The following ABCC9 variants were observed in gnomAD, a reference collection of about 807,000 sequenced individuals.
ABCC9 encodes the protein ATP binding cassette subfamily C member 9, also known as ATP-binding cassette sub-family C member 9.
ABCC9 carries 95 observed loss-of-function variants against 188.3 expected under a neutral mutation model. The ratio of observed to expected loss-of-function variants is 0.50; its 90% CI spans 0.43 to 0.60. ABCC9 has a LOEUF of 0.60. Among genes scored for constraint, ABCC9 ranks in the 20% least tolerant of loss-of-function variants. ABCC9 has a pLI of 0.00. For missense variants in ABCC9, 1,102 were observed against 1,876.3 expected (o/e 0.59, Z 7.62); for synonymous variants, 659 against 652.7 (o/e 1.01, Z -0.15).
intron 14 of ABCC9, among the ~76,000 whole-genome samples, chr12:21,890,596 T>A (rs1202986285): frequency 6.6e-6 from 1 of 152,106 alleles, no homozygotes; most frequent in Non-Finnish European, 1.5e-5. Context: ...ATAGACTGGA[T>A]TAAGAAAATG....
At chr12:21,811,357 C>G (rs1351825690) in intron 36 of ABCC9, among the ~76,000 whole-genome samples, 1 of 152,128 alleles carries the variant, frequency 6.6e-6, no homozygotes, top group East Asian at 1.9e-4. Flanking sequence ...TGAAAACAGA[C>G]TAATACAGAT....
intron 39 of ABCC9, among the ~76,000 whole-genome samples, chr12:21,804,759 C>T (rs1389111920): frequency 6.6e-6 from 1 of 152,180 alleles, no homozygotes; most frequent in Non-Finnish European, 1.5e-5. Flanking sequence ...GGAAGCATAG[C>T]AAGCACTCCA....
intron 5 of ABCC9, chr12:21,924,735 C>T (rs1362531446): frequency 6.6e-6 from 1 of 151,978 alleles, no homozygotes; most frequent in African/African-American, 2.4e-5. Context: ...TTCTCAATTT[C>T]ACATATTTTT....
intron 29 of ABCC9, among the ~76,000 whole-genome samples, chr12:21,841,724 CAGTCTT>C (rs576288984): frequency 1.8e-3 from 270 of 152,136 alleles, no homozygotes; most frequent in African/African-American, 6.4e-3. Context: ...AAAAATTTGT[CAGTCTT>C]AGAACTCAAA....
intron 35 of ABCC9, among the ~76,000 whole-genome samples, chr12:21,813,848 A>G (rs1341226374): frequency 6.6e-6 from 1 of 152,024 alleles, no homozygotes; most frequent in Non-Finnish European, 1.5e-5. Context: ...ATTCAATAAT[A>G]TAAACTGTCA....
At chr12:21,820,798 G>A (rs1335199697) in intron 31 of ABCC9, among the ~76,000 whole-genome samples, 2 of 151,996 alleles carry the variant, frequency 1.3e-5, no homozygotes, top group Non-Finnish European at 2.9e-5. Flanking sequence ...TTCCTTTCTT[G>A]GTTCCTAACT....
Position 21,882,892 on chromosome 12 carries a change from A to G in ABCC9, c.1912-19T>C. On this transcript the variant is annotated intron_variant, in intron 15 of 39. Coordinates refer to ENST00000261200, the MANE Select transcript of ABCC9 (RefSeq NM_020297.4). Reference sequence around the variant, plus strand: ...TTGGCTGCTGCATTCCAAATGGAAAAGAACACAAGTTGAGGCTTTATTAAA... The same window carrying G: ...TTGGCTGCTGCATTCCAAATGGAAAGGAACACAAGTTGAGGCTTTATTAAA... 1 of 1,581,994 alleles carries G rather than the reference A, an allele frequency of 6.3e-7. No homozygotes were observed. The highest frequency in any genetic ancestry group is 8.7e-7 in the Non-Finnish European group (1 of 1,150,752).
At chr12:21,872,499 A>T in intron 18 of ABCC9, 126 bp downstream of exon 18, 89 of 690,074 alleles carry the variant, frequency 1.3e-4, no homozygotes, top group Non-Finnish European at 1.6e-4. Flanking sequence ...TTTTTTTTTT[A>T]AAGCTGTGCT....
intron 11 of ABCC9, 83 bp downstream of exon 11, chr12:21,907,994 T>C (rs1467292252): frequency 7.2e-7 from 1 of 1,380,448 alleles, no homozygotes; most frequent in Non-Finnish European, 1.0e-6. Context: ...TTATCTTTAG[T>C]GGTATGTATT....
At chr12:21,845,567 C>G in intron 26 of ABCC9, 36 bp downstream of exon 26, 1 of 1,542,020 alleles carries the variant, frequency 6.5e-7, no homozygotes, top group Non-Finnish European at 8.9e-7. Context: ...TCAATATTTC[C>G]TTGATGATTT....
chr12:21,838,133 G>C lies in ABCC9; in HGVS notation c.3511C>G (p.Leu1171Val). ...QELDDSTQLPLLCHFSETAEG... is the reference protein window; with the variant it reads ...QELDDSTQLPVLCHFSETAEG... ...GCTGTTTCTGAGAAGTGACAGAGCA[G>C]AGGGAGCTGGGTACTATCGTCAAGT... Residue 1171 changes from leucine (L) to valine (V), a missense_variant, in exon 30 of 40, where the codon CTG becomes GTG. This residue lies in a region of ABCC9 where 143 missense variants were observed against 225.6 expected (regional missense o/e 0.63). Transcript: ENST00000261200. 1 of 1,614,164 alleles carries C rather than the reference G, an allele frequency of 6.2e-7. No individual in the cohort carries two copies. The highest frequency in any genetic ancestry group is 8.5e-7 in the Non-Finnish European group (1 of 1,180,006).
chr12:21,835,087 G>A (rs978748662), intron 30 of ABCC9, among the ~76,000 whole-genome samples: 5 of 152,094 alleles, frequency 3.3e-5, no homozygotes, highest in African/African-American at 1.2e-4. Context: ...ATGACAAGGG[G>A]CAACATCAAC....
intron 19 of ABCC9, among the ~76,000 whole-genome samples, chr12:21,864,085 C>T (rs377592964): frequency 1.9e-4 from 29 of 151,924 alleles, no homozygotes; most frequent in African/African-American, 7.0e-4. Flanking sequence ...TCATCTCTAC[C>T]TTACAGATGG....
intron 4 of ABCC9, among the ~76,000 whole-genome samples, chr12:21,931,451 A>C (rs1463407452): frequency 6.6e-6 from 1 of 152,086 alleles, no homozygotes; most frequent in African/African-American, 2.4e-5. Flanking sequence ...CTGAATAAAA[A>C]GGGTAAGGAG....
Position 21,844,880 on chromosome 12 carries a change from T to C in ABCC9, c.3132A>G (p.Gly1044=). The C allele has an allele frequency of 6.2e-7, 1 of 1,613,868 alleles. No homozygotes were observed. The highest frequency in any genetic ancestry group is 1.1e-5 in the South Asian group (1 of 91,082). Residue 1044 remains glycine, a synonymous_variant, in exon 27 of 40, where the codon GGA becomes GGG. Transcript: ENST00000261200. ...YYVAGFSILC[G]AGIFLCLVTS... is the part of the protein sequence containing the mutation. The stretch of plus-strand genomic sequence containing the variant: ...TAACAAGGCAAAGGAAAATGCCTGC[T>C]CCACAGAGTATGCTAAAGCCAGCCA...
chr12:21,926,108 T>C, intron 4 of ABCC9, 45 bp from the exon 5 acceptor site: 1 of 1,613,094 alleles, frequency 6.2e-7, no homozygotes, highest in Non-Finnish European at 8.5e-7. Flanking sequence ...TGGTTCCAGA[T>C]AATTTCTTAT....
intron 21 of ABCC9, among the ~76,000 whole-genome samples, chr12:21,860,556 A>G (rs550915091): frequency 6.6e-6 from 1 of 152,360 alleles, no homozygotes; most frequent in South Asian, 2.1e-4. Context: ...ATAATATGAC[A>G]TCAATGCAAA....
chr12:21,864,411 T>C lies in ABCC9; in HGVS notation c.2237+28A>G, dbSNP rs756884317. On this transcript the variant is annotated intron_variant, in intron 19 of 39. Transcript: ENST00000261200. The stretch of plus-strand genomic sequence containing the variant: ...GTCTGAGGAAGGAAGTTATTCTTAT[T>C]AAACTCAGGTTAAAATAGAAATAAT... 5 of 1,511,428 alleles carry C rather than the reference T, an allele frequency of 3.3e-6. No individual in the cohort carries two copies. In the African/African-American group the frequency reaches 6.9e-5, roughly 21 times the overall value. The allele number at this position is 1,511,428 out of a possible 1,614,324, so 93.6% of individuals were successfully genotyped here.
At chr12:21,907,471 A>G (rs1948099055) in intron 11 of ABCC9, among the ~76,000 whole-genome samples, 1 of 152,046 alleles carries the variant, frequency 6.6e-6, no homozygotes, top group Non-Finnish European at 1.5e-5. Context: ...GCTGTCAACA[A>G]TTTTATTATT....
Sources: gnomAD v4.1 joint callset for allele counts (sites outside exome capture counted in the v4.1 genomes callset) on GRCh38, gnomAD v4.1.1 for gene constraint, gnomAD v4.1.1 regional missense constraint, MANE v1.5 for transcripts, NCBI Gene and HGNC (gene_info 2026-07-23, HGNC 2026-07-21) for gene names.